ADTRP: variants seen among roughly 807,000 people sequenced by gnomAD.
ADTRP encodes androgen-dependent TFPI-regulating protein.
Under a neutral mutation model 27.0 loss-of-function variants are expected in ADTRP, and 20 were observed. The observed-to-expected ratio is 0.74, with a 90% CI of 0.52 to 1.08. ADTRP has a LOEUF of 1.08. Ranked by LOEUF, ADTRP falls within the 50% of genes least tolerant of loss-of-function variation. ADTRP has a pLI of 0.00. For missense variants in ADTRP, 251 were observed against 275.0 expected (o/e 0.91, Z 0.62); for synonymous variants, 101 against 105.2 (o/e 0.96, Z 0.25).
chr6:11,769,205 A>G (rs1461785689), intron 1 of ADTRP, among the ~76,000 whole-genome samples: 1 of 152,134 alleles, frequency 6.6e-6, no homozygotes, highest in African/African-American at 2.4e-5. Flanking sequence ...GGTGGGGTTA[A>G]GTTAGGCTTG....
At chr6:11,714,980 G>A (rs1761766592) in intron 5 of ADTRP, among the ~76,000 whole-genome samples, 1 of 152,140 alleles carries the variant, frequency 6.6e-6, no homozygotes, top group African/African-American at 2.4e-5. Context: ...GAAAAGTACT[G>A]GCATATGGAT....
chr6:11,732,265 C>T (rs1204538484), intron 4 of ADTRP, among the ~76,000 whole-genome samples: 1 of 152,224 alleles, frequency 6.6e-6, no homozygotes, highest in Non-Finnish European at 1.5e-5. Flanking sequence ...GCTTCTCCAG[C>T]TCAGCTTCAG....
At chr6:11,738,353 C>T (rs768049130) in intron 3 of ADTRP, among the ~76,000 whole-genome samples, 8 of 152,170 alleles carry the variant, frequency 5.3e-5, no homozygotes, top group Non-Finnish European at 7.4e-5. Flanking sequence ...GTCAAGGCCA[C>T]CTTGGAGCCC....
At chr6:11,771,503 G>C (rs1171522158) in intron 1 of ADTRP, among the ~76,000 whole-genome samples, 2 of 152,228 alleles carry the variant, frequency 1.3e-5, no homozygotes, top group Non-Finnish European at 2.9e-5. Flanking sequence ...GAGGGCAGCA[G>C]GGACAGGTGT....
intron 4 of ADTRP, among the ~76,000 whole-genome samples, chr6:11,731,378 G>A (rs1484189516): frequency 1.3e-5 from 2 of 152,140 alleles, no homozygotes; most frequent in African/African-American, 2.4e-5. Context: ...TGCTGGCCAA[G>A]TTACAAATAC....
intron 3 of ADTRP, among the ~76,000 whole-genome samples, chr6:11,757,598 G>C (rs1019138132): frequency 1.1e-4 from 17 of 152,230 alleles, no homozygotes; most frequent in African/African-American, 4.1e-4. Context: ...TCATACTGGA[G>C]TAGGGGACCT....
At chr6:11,771,261 G>C (rs978984437) in intron 1 of ADTRP, among the ~76,000 whole-genome samples, 3 of 152,212 alleles carry the variant, frequency 2.0e-5, no homozygotes, top group African/African-American at 7.2e-5. Flanking sequence ...AGGTGCCCAC[G>C]GTGTGTGCCA....
intron 5 of ADTRP, among the ~76,000 whole-genome samples, chr6:11,716,719 C>CTTT (rs1554110530): frequency 0.011 from 1,405 of 125,370 alleles, 10 homozygotes; most frequent in Non-Finnish European, 0.018. Flanking sequence ...TTTTCTTTTT[C>CTTT]TTTTTTTTTT....
chr6:11,724,545 A>G lies in ADTRP; in HGVS notation c.507-1045T>C, dbSNP rs184185418. 9.2e-5 allele frequency among the ~76,000 whole-genome samples: 14 copies of G among 152,362 alleles called. No homozygotes were observed. The East Asian group carries it at 2.7e-3, about 29-fold the overall frequency. On this transcript the variant is annotated intron_variant, in intron 4 of 5. Transcript: ENST00000414691. Reference sequence around the variant, plus strand: ...GAAGCCTAAAAATGCAGTTTGCTGGAAACCAACTGCACTGGAAGGTGCCAA... The same window carrying G: ...GAAGCCTAAAAATGCAGTTTGCTGGGAACCAACTGCACTGGAAGGTGCCAA...
intron 1 of ADTRP, among the ~76,000 whole-genome samples, chr6:11,774,398 A>G (rs931108511): frequency 6.6e-6 from 1 of 152,172 alleles, no homozygotes; most frequent in Non-Finnish European, 1.5e-5. Context: ...GTGCCATACT[A>G]TAAATTCAAC....
At chr6:11,737,982 T>C (rs972619372) in intron 3 of ADTRP, among the ~76,000 whole-genome samples, 7 of 152,206 alleles carry the variant, frequency 4.6e-5, no homozygotes, top group African/African-American at 1.7e-4. Flanking sequence ...CCTGGGCTAG[T>C]GACCAAATCT....
intron 2 of ADTRP, among the ~76,000 whole-genome samples, chr6:11,766,604 G>A (rs1012393454): frequency 2.0e-5 from 3 of 152,196 alleles, no homozygotes; most frequent in Admixed American, 2.0e-4. Flanking sequence ...CAATGTGCCA[G>A]AGAGTTAGAG....
chr6:11,766,386 A>G lies in ADTRP; in HGVS notation c.289-11T>C. The G allele has an allele frequency of 1.3e-6, 2 of 1,592,792 alleles. No homozygotes were observed. Among genetic ancestry groups the G allele is most frequent in the Non-Finnish European group, 1.7e-6 (2 of 1,162,662 alleles). On this transcript the variant is annotated splice_polypyrimidine_tract_variant and intron_variant, in intron 2 of 5. Transcript: ENST00000414691. ...TGCCAAAAATACAAACTGGAAAATA[A>G]AACACAAAAAATAGCATCATTAGGC...
chr6:11,766,229 G>C, intron 3 of ADTRP, 45 bp downstream of exon 3: 2 of 1,434,090 alleles, frequency 1.4e-6, no homozygotes, highest in Non-Finnish European at 1.9e-6. Context: ...TTTCAGTACA[G>C]AGGCTATTGG....
chr6:11,727,583 T>C (rs1050568812), intron 4 of ADTRP, among the ~76,000 whole-genome samples: 6 of 152,178 alleles, frequency 3.9e-5, no homozygotes, highest in Non-Finnish European at 8.8e-5. Flanking sequence ...TGTAAGATAG[T>C]CTATAAATAA....
At chr6:11,739,784 G>A (rs190679916) in intron 3 of ADTRP, among the ~76,000 whole-genome samples, 1 of 152,292 alleles carries the variant, frequency 6.6e-6, no homozygotes, top group African/African-American at 2.4e-5. Context: ...TGAGAAAGAA[G>A]CAAGCCTTAA....
At chr6:11,775,358 A>G (rs1387939049) in intron 1 of ADTRP, among the ~76,000 whole-genome samples, 1 of 151,588 alleles carries the variant, frequency 6.6e-6, no homozygotes, top group African/African-American at 2.4e-5. Flanking sequence ...TTTCTCCCCC[A>G]TGGCTACCCT....
chr6:11,723,164 C>T (rs1401537358), intron 5 of ADTRP, among the ~76,000 whole-genome samples, 185 bp downstream of exon 5: 2 of 152,016 alleles, frequency 1.3e-5, no homozygotes, highest in East Asian at 3.9e-4. Context: ...AAAAGAGTGC[C>T]CCACCCCCAA....
chr6:11,723,585 C>T (rs1054851726), intron 4 of ADTRP, 85 bp from the exon 5 acceptor site: 124 of 1,502,234 alleles, frequency 8.3e-5, no homozygotes, highest in Non-Finnish European at 4.4e-5. Flanking sequence ...GGTACTGGTA[C>T]CCAGGCAGGG....
Sources: allele counts gnomAD v4.1 joint callset (sites outside exome capture counted in the v4.1 genomes callset), GRCh38; gene constraint gnomAD v4.1.1; transcripts MANE v1.5; gene names NCBI Gene and HGNC (gene_info 2026-07-23, HGNC 2026-07-21).